The following SMIM47 variants were observed in gnomAD, a reference collection of about 807,000 sequenced individuals.
SMIM47 encodes the protein small integral membrane protein 47.
At chr19:50,786,144 C>T in the SMIM47 span, 1 of 398,552 alleles carries the variant, frequency 2.5e-6, no homozygotes, top group African/African-American at 2.1e-5. Context: ...GGTCTTCTCT[C>T]TCTTTCCTGG....
At chr19:50,786,138 TTC>T in the SMIM47 span, 280 of 398,648 alleles carry the variant, frequency 7.0e-4, 2 homozygotes, top group African/African-American at 5.2e-3. Context: ...TTGGTTGGTC[TTC>T]TCTCTCTTTC....
At chr19:50,786,138 TTCTC>T in the SMIM47 span, 6 of 398,648 alleles carry the variant, frequency 1.5e-5, no homozygotes, top group Non-Finnish European at 2.7e-5. Flanking sequence ...TTGGTTGGTC[TTCTC>T]TCTCTTTCCT....
the SMIM47 span, chr19:50,785,775 G>A: frequency 3.4e-4 from 137 of 398,644 alleles, no homozygotes; most frequent in Middle Eastern, 1.9e-3. Context: ...GGCAGAGGGA[G>A]AGGCAGGGCT....
the SMIM47 span, chr19:50,785,773 G>T: frequency 5.0e-6 from 2 of 398,658 alleles, no homozygotes; most frequent in South Asian, 2.6e-4. Context: ...ATGGCAGAGG[G>T]AGAGGCAGGG....
At chr19:50,785,942 C>A in the SMIM47 span, 1 of 399,056 alleles carries the variant, frequency 2.5e-6, no homozygotes, top group Middle Eastern at 6.3e-4. Flanking sequence ...TCCCGCTCAC[C>A]TTGTTGAAGA....
chr19:50,785,759 A>G, the SMIM47 span: 6 of 398,488 alleles, frequency 1.5e-5, no homozygotes, highest in Non-Finnish European at 2.7e-5. Context: ...CTGGCCTCAG[A>G]GCGATGGCAG....
At chr19:50,786,005 G>C in the SMIM47 span, 6 of 398,708 alleles carry the variant, frequency 1.5e-5, no homozygotes, top group Admixed American at 4.4e-5. Flanking sequence ...TCACATTCTG[G>C]GGGGGAGATC....
At chr19:50,786,003 TG>T in the SMIM47 span, 3 of 398,714 alleles carry the variant, frequency 7.5e-6, no homozygotes, top group African/African-American at 4.1e-5. Flanking sequence ...GGTCACATTC[TG>T]GGGGGGAGAT....
At chr19:50,785,912 AG>A in the SMIM47 span, 1 of 398,876 alleles carries the variant, frequency 2.5e-6, no homozygotes, top group Admixed American at 4.4e-5. Context: ...ACAGAGACTC[AG>A]CCCCCACCTC....
At chr19:50,785,891 G>A in the SMIM47 span, 8 of 398,874 alleles carry the variant, frequency 2.0e-5, no homozygotes, top group Non-Finnish European at 3.1e-5. Flanking sequence ...TGACAGAACT[G>A]GACCAGGGAG....
the SMIM47 span, chr19:50,786,003 T>C: frequency 2.5e-6 from 1 of 398,832 alleles, no homozygotes; most frequent in Non-Finnish European, 4.4e-6. Flanking sequence ...GGTCACATTC[T>C]GGGGGGGAGA....
the SMIM47 span, chr19:50,786,150 C>T: frequency 2.5e-6 from 1 of 398,492 alleles, no homozygotes. Context: ...CTCTCTCTTT[C>T]CTGGGCCTCT....
the SMIM47 span, chr19:50,785,935 C>T: frequency 3.8e-5 from 15 of 399,132 alleles, 1 homozygote; most frequent in Middle Eastern, 1.3e-3. Flanking sequence ...GCTCTTCTCC[C>T]GCTCACCTTG....
the SMIM47 span, chr19:50,785,941 C>A: frequency 5.0e-5 from 20 of 398,946 alleles, no homozygotes; most frequent in Admixed American, 1.8e-4. Context: ...CTCCCGCTCA[C>A]CTTGTTGAAG....
chr19:50,785,743 AT>A, the SMIM47 span: 4 of 398,002 alleles, frequency 1.0e-5, no homozygotes, highest in Non-Finnish European at 1.8e-5. Context: ...ATTCAGTTAC[AT>A]TTATCTGGCC....
the SMIM47 span, chr19:50,785,968 G>A: frequency 2.5e-6 from 1 of 399,064 alleles, no homozygotes; most frequent in Non-Finnish European, 4.4e-6. Flanking sequence ...ATGGAGGTCA[G>A]GATGGTGAAC....
At chr19:50,785,730 C>T in the SMIM47 span, 48 of 397,560 alleles carry the variant, frequency 1.2e-4, no homozygotes, top group Middle Eastern at 3.2e-3. Context: ...GCAGGATGTG[C>T]GGATTCAGTT....
chr19:50,785,863 G>A, the SMIM47 span: 1 of 398,814 alleles, frequency 2.5e-6, no homozygotes, highest in Non-Finnish European at 4.4e-6. Context: ...AGATGTGGGA[G>A]AGAAAGAGAG....
chr19:50,786,148 T>G, the SMIM47 span: 1 of 398,462 alleles, frequency 2.5e-6, no homozygotes, highest in Admixed American at 4.4e-5. Context: ...TTCTCTCTCT[T>G]TCCTGGGCCT....
Sources: allele counts gnomAD v4.1 joint callset, GRCh38; gene constraint gnomAD v4.1.1; transcripts MANE v1.5; gene names NCBI Gene and HGNC (gene_info 2026-07-23, HGNC 2026-07-21).